The following PGR variants were observed in gnomAD, a reference collection of about 807,000 sequenced individuals.
PGR encodes the protein nuclear receptor subfamily 3 group C member 3.
In PGR, 25 loss-of-function variants were observed where a neutral mutation model predicts 76.1. That is an observed-to-expected ratio of 0.33 (90% CI 0.24 to 0.46). The LOEUF (loss-of-function observed/expected upper bound fraction) is 0.46, where lower values mean the gene tolerates loss of function less well. Ranked by LOEUF, PGR falls within the 20% of genes least tolerant of loss-of-function variation. The pLI is 1.00. For synonymous variants in PGR, 579 were observed against 535.0 expected (o/e 1.08, Z -1.14); for missense variants, 1,172 against 1,225.3 (o/e 0.96, Z 0.65).
intron 3 of PGR, among the ~76,000 whole-genome samples, chr11:101,070,461 G>A (rs572411237): frequency 1.3e-5 from 2 of 152,248 alleles, no homozygotes; most frequent in South Asian, 2.1e-4. Context: ...CACCTGGAAT[G>A]CCAGTGAGAC....
At chr11:101,114,690 C>T (rs931825612) in intron 2 of PGR, among the ~76,000 whole-genome samples, 1 of 152,004 alleles carries the variant, frequency 6.6e-6, no homozygotes, top group Non-Finnish European at 1.5e-5. Context: ...GTCCCCCACC[C>T]CCACAATTCT....
rs752995251 is a variant in PGR, at chr11:101,050,055, G to A, written c.2362C>T (p.Arg788Trp). The A allele has an allele frequency of 1.9e-6, 3 of 1,611,918 alleles. No homozygotes were observed. The highest frequency in any genetic ancestry group is 1.7e-6 in the Non-Finnish European group (2 of 1,178,804). Residue 788 changes from arginine to tryptophan, a missense_variant, in exon 6 of 8, where the codon CGG becomes TGG. By Grantham distance (101) the Arg-to-Trp change is moderately radical (BLOSUM62 -3). Transcript: ENST00000325455. ...GAATAGAATGATGATTCTTTCATCCGCTGTCTTGCATCACACACAATACAC... is the reference window on the plus strand; with the variant it reads ...GAATAGAATGATGATTCTTTCATCCACTGTCTTGCATCACACACAATACAC... ...FAPDLILNEQRMKESSFYSLC... is the reference protein window; with the variant it reads ...FAPDLILNEQWMKESSFYSLC...
intron 2 of PGR, among the ~76,000 whole-genome samples, chr11:101,092,232 T>C (rs1325797249): frequency 1.3e-5 from 2 of 152,182 alleles, no homozygotes; most frequent in Non-Finnish European, 2.9e-5. Flanking sequence ...TACCAGGTGG[T>C]CAAACTCTAG....
At chr11:101,120,630 T>C (rs1862643920) in intron 2 of PGR, among the ~76,000 whole-genome samples, 2 of 152,162 alleles carry the variant, frequency 1.3e-5, no homozygotes. Flanking sequence ...TTATGATATA[T>C]AATACCATTT....
Position 101,038,996 on chromosome 11 carries a change from T to A in PGR, c.*120A>T. 1.4e-6 allele frequency: 1 copy of A among 692,474 alleles called. No homozygotes were observed. Among genetic ancestry groups the A allele is most frequent in the Non-Finnish European group, 2.5e-6 (1 of 403,320 alleles). The allele number at this position is 692,474 out of a possible 1,614,324, so 42.9% of individuals were successfully genotyped here. ...CAATTTTTCTTTTAAATTTACACAC[T>A]ATGATGTTATAAATGTAAGGCTTTC... On this transcript the variant is annotated 3_prime_UTR_variant, in exon 8 of 8. Coordinates refer to ENST00000325455, the MANE Select transcript of PGR (RefSeq NM_000926.4).
At chr11:101,055,414 CAAAAAAAAAAAA>C (rs61303675) in intron 4 of PGR, among the ~76,000 whole-genome samples, 4 of 65,040 alleles carry the variant, frequency 6.2e-5, no homozygotes, top group Non-Finnish European at 1.1e-4. Flanking sequence ...GACTCCATCT[CAAAAAAAAAAAA>C]AAAAAAAAAA....
At chr11:101,076,385 C>T (rs1030985678) in intron 3 of PGR, among the ~76,000 whole-genome samples, 1 of 152,018 alleles carries the variant, frequency 6.6e-6, no homozygotes, top group Non-Finnish European at 1.5e-5. Context: ...TTGATGGGTG[C>T]AGCAAAACAT....
intron 2 of PGR, among the ~76,000 whole-genome samples, chr11:101,093,353 G>A (rs1861735448): frequency 6.6e-6 from 1 of 151,816 alleles, no homozygotes; most frequent in Non-Finnish European, 1.5e-5. Flanking sequence ...TTAGGCTATA[G>A]GAGTGACTGT....
At chr11:101,058,257 T>C (rs1027321026) in intron 4 of PGR, among the ~76,000 whole-genome samples, 2 of 152,152 alleles carry the variant, frequency 1.3e-5, no homozygotes, top group Non-Finnish European at 2.9e-5. Context: ...TTCAGTGGAA[T>C]AGGGTGTGAG....
intron 6 of PGR, among the ~76,000 whole-genome samples, chr11:101,044,187 A>T (rs1033353733): frequency 6.6e-6 from 1 of 152,192 alleles, no homozygotes; most frequent in African/African-American, 2.4e-5. Flanking sequence ...AGTAGCGATA[A>T]TCTTACCTAG....
chr11:101,121,699 T>A (rs1246159754), intron 2 of PGR, among the ~76,000 whole-genome samples: 1 of 152,144 alleles, frequency 6.6e-6, no homozygotes, highest in Non-Finnish European at 1.5e-5. Context: ...ATAGGTAAAA[T>A]GTCTCTCTCC....
intron 3 of PGR, among the ~76,000 whole-genome samples, chr11:101,076,838 C>A (rs144629832): frequency 6.7e-6 from 1 of 148,272 alleles, no homozygotes; most frequent in Admixed American, 6.8e-5. Context: ...TTATTTAATT[C>A]TGATAAAAGA....
intron 2 of PGR, among the ~76,000 whole-genome samples, chr11:101,115,872 A>C (rs1411284542): frequency 6.6e-6 from 1 of 152,204 alleles, no homozygotes; most frequent in East Asian, 1.9e-4. Context: ...ATAGTCTATA[A>C]ATCATTTCTG....
At chr11:101,050,664 A>G (rs1344758910) in intron 5 of PGR, among the ~76,000 whole-genome samples, 3 of 152,142 alleles carry the variant, frequency 2.0e-5, no homozygotes, top group African/African-American at 7.2e-5. Context: ...TATAATGTCC[A>G]CATTAGTCAA....
intron 7 of PGR, among the ~76,000 whole-genome samples, 158 bp from the exon 8 acceptor site, chr11:101,039,429 G>C: frequency 6.6e-6 from 1 of 151,748 alleles, no homozygotes; most frequent in Middle Eastern, 3.4e-3. Context: ...CCATTTTCTA[G>C]AATAATATGT....
intron 2 of PGR, among the ~76,000 whole-genome samples, chr11:101,113,158 C>G (rs1332946180): frequency 6.6e-6 from 1 of 152,150 alleles, no homozygotes; most frequent in Non-Finnish European, 1.5e-5. Flanking sequence ...TTTCAAAATG[C>G]TATCTACAAA....
intron 2 of PGR, among the ~76,000 whole-genome samples, chr11:101,099,754 A>G (rs1861940669): frequency 6.6e-6 from 1 of 151,840 alleles, no homozygotes; most frequent in Admixed American, 6.6e-5. Flanking sequence ...GAATCTCACC[A>G]AAGTATCCCA....
chr11:101,068,694 A>G (rs1028680069), intron 3 of PGR, among the ~76,000 whole-genome samples: 1 of 152,064 alleles, frequency 6.6e-6, no homozygotes, highest in African/African-American at 2.4e-5. Context: ...AACAGAACAG[A>G]GGCCTCAGAA....
At chr11:101,043,192 TTTATG>T (rs1293149356) in intron 6 of PGR, among the ~76,000 whole-genome samples, 1 of 152,174 alleles carries the variant, frequency 6.6e-6, no homozygotes, top group East Asian at 1.9e-4. Flanking sequence ...ATCAACTAAG[TTTATG>T]TAATCTCCGA....
Sources: gnomAD v4.1 joint callset for allele counts (sites outside exome capture counted in the v4.1 genomes callset) on GRCh38, gnomAD v4.1.1 for gene constraint, MANE v1.5 for transcripts, NCBI Gene and HGNC (gene_info 2026-07-23, HGNC 2026-07-21) for gene names.